The following BUB1B variants were observed in gnomAD, a reference collection of about 807,000 sequenced individuals.
BUB1B encodes mitotic checkpoint serine/threonine-protein kinase BUB1 beta.
A neutral mutation model predicts 137.7 loss-of-function variants in BUB1B; 86 were observed. The ratio of observed to expected loss-of-function variants is 0.62; its 90% CI spans 0.52 to 0.75. The LOEUF is 0.75. BUB1B is among the 30% of genes least tolerant of loss of function. BUB1B has a pLI of 0.00. For synonymous variants in BUB1B, 420 were observed against 417.9 expected, an observed-to-expected ratio of 1.00 and a Z score of -0.06; for missense variants, 1,130 against 1,236.9, an observed-to-expected ratio of 0.91 and a Z score of 1.30.
At chr15:40,215,154 A>G (rs888999502) in intron 20 of BUB1B, among the ~76,000 whole-genome samples, 1 of 148,304 alleles carries the variant, frequency 6.7e-6, no homozygotes, top group African/African-American at 2.7e-5. Context: ...CAGAAATTTC[A>G]CATAGATTCA....
chr15:40,190,485 A>T (rs1337885670), intron 8 of BUB1B, among the ~76,000 whole-genome samples: 1 of 152,080 alleles, frequency 6.6e-6, no homozygotes. Context: ...ATAGTGGCAC[A>T]TGCCTATGGT....
intron 22 of BUB1B, among the ~76,000 whole-genome samples, chr15:40,219,207 G>T (rs748691539): frequency 1.3e-5 from 2 of 152,154 alleles, no homozygotes; most frequent in Non-Finnish European, 2.9e-5. Flanking sequence ...ACCGTGTCTG[G>T]CCTAAATTCC....
At chr15:40,201,737 G>T (rs2037572248) in intron 12 of BUB1B, among the ~76,000 whole-genome samples, 1 of 152,126 alleles carries the variant, frequency 6.6e-6, no homozygotes, top group African/African-American at 2.4e-5. Flanking sequence ...CGCGATCTCA[G>T]CTCACTACAA....
At chr15:40,198,833 C>T (rs1012675384) in intron 9 of BUB1B, among the ~76,000 whole-genome samples, 1 of 152,170 alleles carries the variant, frequency 6.6e-6, no homozygotes, top group Non-Finnish European at 1.5e-5. Flanking sequence ...TAGCATGTGC[C>T]TGTAGTCCCA....
At chr15:40,167,700 A>G (rs2037117186) in intron 2 of BUB1B, among the ~76,000 whole-genome samples, 1 of 151,542 alleles carries the variant, frequency 6.6e-6, no homozygotes, top group East Asian at 1.9e-4. Flanking sequence ...TTCCTTGTAT[A>G]TGGTGTGGGG....
rs34300396 is a variant in BUB1B at position 40,180,251 on chromosome 15, C to CTTTTTTT, written c.582-3449_582-3443dup. On this transcript the variant is annotated intron_variant, in intron 5 of 22. Transcript: ENST00000287598. ...AGAATTCTGGGTCAACGTTTCGTTT[C>CTTTTTTT]TTTTTTTTTTTTTTTTTTTTGAGAT... 3.4e-3 allele frequency among the ~76,000 whole-genome samples: 308 copies of CTTTTTTT among 90,462 alleles called. 5 individuals are homozygous for CTTTTTTT. Among genetic ancestry groups the CTTTTTTT allele is most frequent in the African/African-American group, 5.9e-3 (133 of 22,600 alleles). The allele number at this position is 90,462 out of a possible 152,430, so 59.3% of individuals were successfully genotyped here.
intron 16 of BUB1B, 88 bp downstream of exon 16, chr15:40,208,858 A>G (rs1390747107): frequency 7.4e-7 from 1 of 1,354,330 alleles, no homozygotes; most frequent in East Asian, 2.3e-5. Flanking sequence ...TTTTTGAGAC[A>G]GGGTCTCACT....
intron 8 of BUB1B, among the ~76,000 whole-genome samples, chr15:40,196,054 C>T (rs2037493653): frequency 6.6e-6 from 1 of 152,136 alleles, no homozygotes; most frequent in South Asian, 2.1e-4. Flanking sequence ...AAGTCTTTAC[C>T]GAAGCCAATG....
intron 14 of BUB1B, among the ~76,000 whole-genome samples, chr15:40,203,589 C>T (rs556172853): frequency 1.2e-4 from 19 of 152,040 alleles, no homozygotes; most frequent in Non-Finnish European, 2.6e-4. Flanking sequence ...AATTTTAAAG[C>T]CTTTTGTACT....
intron 15 of BUB1B, among the ~76,000 whole-genome samples, chr15:40,207,523 C>G (rs1314267273): frequency 6.6e-6 from 1 of 152,032 alleles, no homozygotes; most frequent in Non-Finnish European, 1.5e-5. Context: ...TTTCTCTTTT[C>G]TTTGCCTAAC....
Position 40,218,026 on chromosome 15 carries a change from A to G in BUB1B, c.2850+359A>G, listed in dbSNP as rs543700219. Among the ~76,000 whole-genome samples, 59 of 152,260 alleles carry G rather than the reference A, an allele frequency of 3.9e-4. 2 individuals carry two copies. Among genetic ancestry groups the G allele is most frequent in the Admixed American group, 1.2e-3 (19 of 15,288 alleles). On this transcript the variant is annotated intron_variant, in intron 21 of 22. Coordinates refer to ENST00000287598, the MANE Select transcript of BUB1B (RefSeq NM_001211.6). ...ATGAGGAGTAAATGAAGTAATGTAT[A>G]TAAAAAGAACATTAGCACAAATGTA... is the stretch of plus-strand genomic sequence containing the variant.
At chr15:40,175,818 CTT>C (rs778914523) in intron 4 of BUB1B, among the ~76,000 whole-genome samples, 2 of 152,194 alleles carry the variant, frequency 1.3e-5, no homozygotes, top group Non-Finnish European at 2.9e-5. Context: ...CCCTACATAA[CTT>C]TTAATTTTCT....
chr15:40,212,376 T>C, intron 18 of BUB1B, 123 bp from the exon 19 acceptor site: 1 of 755,834 alleles, frequency 1.3e-6, no homozygotes, highest in South Asian at 1.6e-5. Flanking sequence ...ATAGTAGATT[T>C]ATGCCTTTAA....
intron 4 of BUB1B, among the ~76,000 whole-genome samples, chr15:40,171,610 A>C (rs143227733): frequency 1.3e-5 from 2 of 152,226 alleles, no homozygotes. Flanking sequence ...GAGGAGGTGC[A>C]GGAGCTAACA....
At chr15:40,179,377 G>A (rs1036306419) in intron 5 of BUB1B, among the ~76,000 whole-genome samples, 3 of 152,012 alleles carry the variant, frequency 2.0e-5, no homozygotes, top group Non-Finnish European at 2.9e-5. Flanking sequence ...TTATATTTGC[G>A]TAACAGGTTT....
intron 20 of BUB1B, 100 bp downstream of exon 20, chr15:40,213,574 C>A: frequency 7.5e-7 from 1 of 1,340,638 alleles, no homozygotes; most frequent in Non-Finnish European, 1.1e-6. Context: ...CTCACTCTGT[C>A]ACCTAGGTTG....
intron 5 of BUB1B, among the ~76,000 whole-genome samples, chr15:40,176,946 A>G (rs193137533): frequency 7.4e-4 from 112 of 152,280 alleles, no homozygotes; most frequent in African/African-American, 2.6e-3. Context: ...TCCCTTTGTA[A>G]TTAGTACCTA....
Position 40,220,806 on chromosome 15 carries a change from T to C in BUB1B, c.*47T>C. ...GATTGCTGCCTCAGAGCAATGGTTG[T>C]ATTGTGGAACACTGAAACTGTATGT... is the stretch of plus-strand genomic sequence containing the variant. On this transcript the variant is annotated 3_prime_UTR_variant, in exon 23 of 23. Transcript: ENST00000287598. The C allele has an allele frequency of 6.4e-7, 1 of 1,568,330 alleles. No homozygotes were observed. Among genetic ancestry groups the C allele is most frequent in the Non-Finnish European group, 8.8e-7 (1 of 1,138,468 alleles).
intron 20 of BUB1B, among the ~76,000 whole-genome samples, chr15:40,216,574 T>A (rs1177527672): frequency 1.1e-3 from 116 of 109,110 alleles, no homozygotes; most frequent in African/African-American, 5.3e-3. Context: ...TATATATATT[T>A]TTTTTTTTTT....
Sources: allele counts gnomAD v4.1 joint callset (sites outside exome capture counted in the v4.1 genomes callset), GRCh38; gene constraint gnomAD v4.1.1; transcripts MANE v1.5; gene names NCBI Gene and HGNC (gene_info 2026-07-23, HGNC 2026-07-21).